DCDC2C: variants seen among roughly 807,000 people sequenced by gnomAD.
DCDC2C encodes the protein doublecortin domain-containing protein 2C.
DCDC2C carries 44 observed loss-of-function variants against 45.0 expected under a neutral mutation model. The observed-to-expected ratio is 0.98, with a 90% confidence interval of 0.77 to 1.26. The LOEUF is 1.26. Ranked by LOEUF, DCDC2C falls within the 50% of genes most tolerant of loss-of-function variation. The pLI is 0.00. For synonymous variants in DCDC2C, 187 were observed against 178.8 expected (o/e 1.05, Z -0.37); for missense variants, 447 against 468.9 (o/e 0.95, Z 0.43).
intron 10 of DCDC2C, among the ~76,000 whole-genome samples, chr2:3,802,860 A>G (rs770200476): frequency 2.0e-5 from 3 of 152,084 alleles, no homozygotes; most frequent in Non-Finnish European, 4.4e-5. Context: ...GCCTCTGTCT[A>G]TCCTGCCTTG....
chr2:3,840,773 A>G lies in DCDC2C; in HGVS notation c.1066-6381A>G, dbSNP rs534161666. 2.4e-4 allele frequency among the ~76,000 whole-genome samples: 36 copies of G among 152,336 alleles called. 1 individual carries two copies. In the South Asian group the frequency reaches 7.2e-3, roughly 31 times the overall value. On this transcript the variant is annotated intron_variant, in intron 10 of 10. Coordinates refer to ENST00000399143, the MANE Select transcript of DCDC2C (RefSeq NM_001287444.2). ...GAGAACCTATGACCAGTGCTCACTC[A>G]CGGAGACCTCTGTGTGATGTAGGGC...
chr2:3,794,816 A>C (rs938855894), intron 10 of DCDC2C, among the ~76,000 whole-genome samples: 5 of 152,210 alleles, frequency 3.3e-5, no homozygotes, highest in Non-Finnish European at 7.3e-5. Flanking sequence ...ATAATGCCTC[A>C]ATAAACATAC....
intron 3 of DCDC2C, among the ~76,000 whole-genome samples, chr2:3,737,564 G>A (rs1669067511): frequency 6.6e-6 from 1 of 151,968 alleles, no homozygotes; most frequent in African/African-American, 2.4e-5. Flanking sequence ...GACATAAGTG[G>A]GTAGAGGGAG....
intron 7 of DCDC2C, among the ~76,000 whole-genome samples, chr2:3,768,890 A>T (rs1417958116): frequency 6.6e-6 from 1 of 152,136 alleles, no homozygotes; most frequent in East Asian, 1.9e-4. Context: ...GCATTTTCTT[A>T]AAATTTATTC....
chr2:3,751,688 T>C (rs1669547274), intron 4 of DCDC2C, among the ~76,000 whole-genome samples: 1 of 152,178 alleles, frequency 6.6e-6, no homozygotes, highest in African/African-American at 2.4e-5. Flanking sequence ...CCATGCCCCC[T>C]GCATTTCTTC....
intron 10 of DCDC2C, among the ~76,000 whole-genome samples, chr2:3,804,850 G>A (rs1480509179): frequency 5.9e-5 from 9 of 152,100 alleles, no homozygotes; most frequent in Admixed American, 5.2e-4. Context: ...ATGGTAATGC[G>A]GATTGAGGAA....
At chr2:3,824,365 G>A (rs1671766179) in intron 10 of DCDC2C, among the ~76,000 whole-genome samples, 1 of 152,164 alleles carries the variant, frequency 6.6e-6, no homozygotes, top group Admixed American at 6.5e-5. Context: ...CTGTTTTATT[G>A]CAGACATAGA....
intron 10 of DCDC2C, among the ~76,000 whole-genome samples, chr2:3,825,140 C>G (rs942384111): frequency 9.8e-5 from 15 of 152,300 alleles, no homozygotes; most frequent in African/African-American, 3.6e-4. Flanking sequence ...GGACACTTTC[C>G]CTTACCTGCT....
intron 10 of DCDC2C, among the ~76,000 whole-genome samples, chr2:3,817,766 G>A (rs1671590058): frequency 6.6e-6 from 1 of 152,208 alleles, no homozygotes; most frequent in Non-Finnish European, 1.5e-5. Context: ...GAGAGCTAGT[G>A]TGGGAGCAGC....
chr2:3,716,378 A>G (rs146298417), intron 2 of DCDC2C, among the ~76,000 whole-genome samples: 2 of 152,140 alleles, frequency 1.3e-5, no homozygotes, highest in Admixed American at 1.3e-4. Context: ...AAGGAAGATG[A>G]AGACTGAGAT....
chr2:3,778,224 A>G (rs1012297592), intron 8 of DCDC2C, among the ~76,000 whole-genome samples: 1 of 152,250 alleles, frequency 6.6e-6, no homozygotes, highest in African/African-American at 2.4e-5. Context: ...CAGCACGCAT[A>G]CTTGGTTGGC....
intron 2 of DCDC2C, among the ~76,000 whole-genome samples, chr2:3,724,536 C>T (rs941705948): frequency 3.9e-5 from 6 of 152,224 alleles, no homozygotes; most frequent in African/African-American, 1.4e-4. Context: ...TCTCACTGTG[C>T]ATCTGGGGTG....
chr2:3,735,476 A>G (rs2148093742), intron 3 of DCDC2C, among the ~76,000 whole-genome samples: 1 of 151,172 alleles, frequency 6.6e-6, no homozygotes, highest in South Asian at 2.1e-4. Context: ...ATGTGTTCTC[A>G]TTGTTCAATT....
At chr2:3,765,927 G>A (rs1254322142) in intron 6 of DCDC2C, among the ~76,000 whole-genome samples, 1 of 152,160 alleles carries the variant, frequency 6.6e-6, no homozygotes, top group African/African-American at 2.4e-5. Flanking sequence ...CGCTGCTCCC[G>A]ATTTCACAGA....
rs56067833 is a variant in DCDC2C at position 3,762,162 on chromosome 2, C to CTTTTT, written c.727-5581_727-5577dup. On this transcript the variant is annotated intron_variant, in intron 6 of 10. Transcript: ENST00000399143. ...TTGATCCATGTTTTCTTGCTTGAAC[C>CTTTTT]TTTTTTTTTTTTTTTAACCAAGTGC... Among the ~76,000 whole-genome samples, 59 of 127,668 alleles carry CTTTTT rather than the reference C, an allele frequency of 4.6e-4. 7 individuals carry two copies. The East Asian group carries it at 0.01, about 22-fold the overall frequency. The allele number at this position is 127,668 out of a possible 152,430, so 83.8% of individuals were successfully genotyped here. A position where few individuals can be genotyped will look rare whatever the true frequency, so the allele number is the denominator to read the frequency against.
At chr2:3,803,797 A>C (rs1047946451) in intron 10 of DCDC2C, among the ~76,000 whole-genome samples, 1 of 152,162 alleles carries the variant, frequency 6.6e-6, no homozygotes, top group South Asian at 2.1e-4. Context: ...CTTCAAGTGC[A>C]CCACGTCCTC....
intron 10 of DCDC2C, among the ~76,000 whole-genome samples, chr2:3,821,008 G>A (rs992195796): frequency 1.3e-5 from 2 of 152,174 alleles, no homozygotes; most frequent in Admixed American, 6.5e-5. Flanking sequence ...CAACAAGGCT[G>A]TTTATTTCAC....
chr2:3,725,185 G>A (rs1668606654), intron 2 of DCDC2C, among the ~76,000 whole-genome samples: 1 of 152,162 alleles, frequency 6.6e-6, no homozygotes, highest in African/African-American at 2.4e-5. Flanking sequence ...AAATGAATTT[G>A]GCTTAGTGCC....
intron 3 of DCDC2C, among the ~76,000 whole-genome samples, chr2:3,737,979 TAAAC>T (rs1669079370): frequency 6.6e-6 from 1 of 152,204 alleles, no homozygotes; most frequent in Non-Finnish European, 1.5e-5. Context: ...TTTATTTAAA[TAAAC>T]CATCTTATTT....
Sources: gnomAD v4.1 joint callset for allele counts (sites outside exome capture counted in the v4.1 genomes callset) on GRCh38, gnomAD v4.1.1 for gene constraint, MANE v1.5 for transcripts, NCBI Gene and HGNC (gene_info 2026-07-23, HGNC 2026-07-21) for gene names.